The following SLC24A2 variants were observed in gnomAD, a reference collection of about 807,000 sequenced individuals.
SLC24A2 encodes solute carrier family 24 member 2.
SLC24A2 carries 36 observed loss-of-function variants against 62.0 expected under a neutral mutation model. The observed-to-expected ratio is 0.58, with a 90% confidence interval of 0.44 to 0.77. SLC24A2 has a LOEUF of 0.77. Among genes scored for constraint, SLC24A2 ranks in the 30% least tolerant of loss-of-function variants. The pLI, the probability that SLC24A2 is intolerant of heterozygous loss-of-function variation, is 0.00. For missense variants in SLC24A2, 846 were observed against 817.9 expected (o/e 1.03, Z -0.42); for synonymous variants, 358 against 294.0 (o/e 1.22, Z -2.23).
chr9:19,896,603 A>T, the SLC24A2 span, among the ~76,000 whole-genome samples: 1 of 152,160 alleles, frequency 6.6e-6, no homozygotes, highest in Non-Finnish European at 1.5e-5. Flanking sequence ...ACAAAAATGG[A>T]GCATTGGAGC....
chr9:19,677,214 T>C (rs904789899), intron 2 of SLC24A2, among the ~76,000 whole-genome samples: 72 of 152,292 alleles, frequency 4.7e-4, no homozygotes, highest in African/African-American at 1.6e-3. Context: ...ATAAAGAAAA[T>C]GTAGTACGTA....
chr9:20,163,028 C>T, the SLC24A2 span, among the ~76,000 whole-genome samples: 43 of 151,954 alleles, frequency 2.8e-4, no homozygotes, highest in South Asian at 1.0e-3. Context: ...AATATCATAC[C>T]GAATGGGCAA....
the SLC24A2 span, among the ~76,000 whole-genome samples, chr9:20,301,114 C>T: frequency 6.6e-6 from 1 of 152,162 alleles, no homozygotes; most frequent in Admixed American, 6.5e-5. Context: ...GCACATTGCT[C>T]CCCAAGCAAA....
chr9:19,854,161 T>G, the SLC24A2 span, among the ~76,000 whole-genome samples: 1 of 152,196 alleles, frequency 6.6e-6, no homozygotes. Context: ...TTTTATCATT[T>G]ATTATTGTGT....
At chr9:20,304,498 C>G in the SLC24A2 span, among the ~76,000 whole-genome samples, 1 of 152,064 alleles carries the variant, frequency 6.6e-6, no homozygotes, top group Non-Finnish European at 1.5e-5. Context: ...CCAAATAATT[C>G]TCATTGGTAT....
the SLC24A2 span, among the ~76,000 whole-genome samples, chr9:19,855,327 T>C: frequency 6.6e-6 from 1 of 152,318 alleles, no homozygotes; most frequent in Admixed American, 6.5e-5. Flanking sequence ...TTTGATCCTG[T>C]CATCATAATG....
chr9:19,576,572 G>A (rs1474281763), intron 6 of SLC24A2, among the ~76,000 whole-genome samples: 1 of 152,220 alleles, frequency 6.6e-6, no homozygotes, highest in African/African-American at 2.4e-5. Context: ...ATGACACTGT[G>A]TACGTGTGCG....
At chr9:20,060,585 AAAACCCAAC>A in the SLC24A2 span, among the ~76,000 whole-genome samples, 2 of 152,186 alleles carry the variant, frequency 1.3e-5, no homozygotes, top group Non-Finnish European at 2.9e-5. Flanking sequence ...AACATTCAAC[AAAACCCAAC>A]ACTGATTCAT....
chr9:20,079,114 T>C, the SLC24A2 span, among the ~76,000 whole-genome samples: 2 of 144,972 alleles, frequency 1.4e-5, no homozygotes, highest in African/African-American at 4.9e-5. Flanking sequence ...TAATTGTCCT[T>C]ACAGCAGCCA....
At chr9:19,518,300 G>A (rs1229654330) in intron 10 of SLC24A2, among the ~76,000 whole-genome samples, 1 of 152,004 alleles carries the variant, frequency 6.6e-6, no homozygotes, top group Non-Finnish European at 1.5e-5. Flanking sequence ...AAAGATGAAA[G>A]ATGCATACAT....
chr9:19,514,032 G>C lies in SLC24A2; in HGVS notation c.*2121C>G, dbSNP rs896284877. ...CCACATCTGAAGACCCCAATCTGCC[G>C]AGTTGGAGAGACTTGAAAGCCAGCC... On this transcript the variant is annotated 3_prime_UTR_variant, in exon 11 of 11. Transcript: ENST00000341998. 6.6e-6 allele frequency: 1 copy of C among 152,212 alleles called. No homozygotes were observed. The highest frequency in any genetic ancestry group is 2.4e-5 in the African/African-American group (1 of 41,448). The allele number at this position is 152,212 out of a possible 1,614,324, so 9.4% of individuals were successfully genotyped here.
chr9:19,691,543 G>A (rs1370085264), intron 2 of SLC24A2, among the ~76,000 whole-genome samples: 2 of 152,098 alleles, frequency 1.3e-5, no homozygotes, highest in Non-Finnish European at 2.9e-5. Context: ...CTATCTCTGC[G>A]ATTATTAACC....
the SLC24A2 span, among the ~76,000 whole-genome samples, chr9:20,111,695 T>C: frequency 6.6e-6 from 1 of 152,078 alleles, no homozygotes; most frequent in Non-Finnish European, 1.5e-5. Context: ...GGGATGGACA[T>C]TAAAGTTTGA....
chr9:19,663,895 C>G (rs898222549), intron 2 of SLC24A2, among the ~76,000 whole-genome samples: 2 of 152,196 alleles, frequency 1.3e-5, no homozygotes, highest in Non-Finnish European at 2.9e-5. Context: ...TCTGAATTTG[C>G]AAAGAGGAAT....
At chr9:20,009,305 A>C in the SLC24A2 span, among the ~76,000 whole-genome samples, 1 of 151,310 alleles carries the variant, frequency 6.6e-6, no homozygotes, top group Admixed American at 6.6e-5. Flanking sequence ...GAATCACTTG[A>C]ACCCAGAAGG....
intron 2 of SLC24A2, among the ~76,000 whole-genome samples, chr9:19,782,300 T>C (rs1028064044): frequency 6.6e-6 from 1 of 152,178 alleles, no homozygotes; most frequent in Non-Finnish European, 1.5e-5. Context: ...AACTTATTCC[T>C]AACCAGCTAT....
intron 2 of SLC24A2, among the ~76,000 whole-genome samples, chr9:19,755,123 G>C (rs1208391759): frequency 1.3e-5 from 2 of 152,134 alleles, no homozygotes; most frequent in Non-Finnish European, 2.9e-5. Flanking sequence ...CTTAAATCCT[G>C]GTCCCGCCTC....
chr9:19,960,682 G>T, the SLC24A2 span, among the ~76,000 whole-genome samples: 4 of 152,194 alleles, frequency 2.6e-5, no homozygotes, highest in Admixed American at 2.0e-4. Flanking sequence ...GCAGTGTAAT[G>T]AGGTGGTTAG....
At chr9:19,582,846 G>T (rs1184959078) in intron 5 of SLC24A2, among the ~76,000 whole-genome samples, 2 of 151,966 alleles carry the variant, frequency 1.3e-5, no homozygotes, top group African/African-American at 2.4e-5. Flanking sequence ...AGCAAATCTG[G>T]TGTCTCTATT....
Sources: allele counts gnomAD v4.1 joint callset (sites outside exome capture counted in the v4.1 genomes callset), GRCh38; gene constraint gnomAD v4.1.1; transcripts MANE v1.5; gene names NCBI Gene and HGNC (gene_info 2026-07-23, HGNC 2026-07-21).